C1orf116: variants seen among roughly 807,000 people sequenced by gnomAD.
The protein encoded by C1orf116 is specifically androgen-regulated gene protein.
A neutral mutation model predicts 14.1 loss-of-function variants in C1orf116; 12 were observed. The observed-to-expected ratio is 0.85, with a 90% CI of 0.54 to 1.38. The LOEUF (loss-of-function observed/expected upper bound fraction) is 1.38, where lower values mean the gene tolerates loss of function less well. C1orf116 is among the 40% of genes most tolerant of loss of function. The pLI is 0.00. For missense variants in C1orf116, 797 were observed against 747.0 expected, an observed-to-expected ratio of 1.07 and a Z score of -0.78; for synonymous variants, 296 against 299.0, an observed-to-expected ratio of 0.99 and a Z score of 0.10.
rs779655384 is a variant in C1orf116, at chr1:207,023,061, T to G, written c.703A>C (p.Ser235Arg). ...GHTPQLHTPS[S>R]SQEREQTPSE... ...GGAGTCTGCTCTCTTTCCTGGGAGC[T>G]GGATGGTGTGTGGAGCTGGGGTGTG... Residue 235 changes from serine to arginine, a missense_variant, in exon 4 of 4, where the codon AGC (serine) becomes CGC (arginine). Physicochemically the swap from Ser to Arg is moderately radical, Grantham distance 110. Transcript: ENST00000359470. 3.1e-6 allele frequency: 5 copies of G among 1,612,948 alleles called. No homozygotes were observed. The highest frequency in any genetic ancestry group is 4.2e-6 in the Non-Finnish European group (5 of 1,180,016).
In C1orf116 at chr1:207,022,174, C is replaced by T. The variant is rs369945884; in HGVS notation, c.1590G>A (p.Pro530=). 2.4e-5 allele frequency: 39 copies of T among 1,613,426 alleles called. No individual in the cohort carries two copies. Among genetic ancestry groups the T allele is most frequent in the African/African-American group, 4.0e-5 (3 of 74,934 alleles). Residue 530 remains proline (P), a synonymous_variant, in exon 4 of 4, where the codon CCG becomes CCA. Transcript: ENST00000359470. ...AATCTTTCCCCGTGCCCAGGGAGGC[C>T]GGGCGGGGCCGAGAATTACGTAAGA... ...PSVLRNSRPR[P]ASLGTGKDFA... is the part of the protein sequence containing the mutation.
In C1orf116 at chr1:207,022,831, T is replaced by G. The variant is rs753873351; in HGVS notation, c.933A>C (p.Arg311=). 2 of 1,614,064 alleles carry G rather than the reference T, an allele frequency of 1.2e-6. No individual in the cohort carries two copies. The highest frequency in any genetic ancestry group is 2.7e-5 in the African/African-American group (2 of 75,038). Residue 311 remains arginine, a synonymous_variant, in exon 4 of 4, where the codon CGA becomes CGC. Coordinates refer to ENST00000359470, the MANE Select transcript of C1orf116 (RefSeq NM_023938.6). The part of the protein sequence containing the change: ...LPPNIVLKSS[R]SSFHSDPQHW... ...GCTGGGGGTCACTGTGGAAACTGCT[T>G]CGGCTGCTCTTCAGAACAATATTAG...
chr1:207,027,161 T>C (rs1048503454), intron 2 of C1orf116, among the ~76,000 whole-genome samples: 1 of 152,218 alleles, frequency 6.6e-6, no homozygotes, highest in Non-Finnish European at 1.5e-5. Context: ...AGAACTTCAA[T>C]AATCCATGTG....
chr1:207,027,394 G>T, intron 2 of C1orf116, 100 bp downstream of exon 2: 3 of 1,413,336 alleles, frequency 2.1e-6, no homozygotes, highest in Non-Finnish European at 2.9e-6. Context: ...AAGAGAAGGT[G>T]CAGTGAGCCA....
intron 3 of C1orf116, among the ~76,000 whole-genome samples, chr1:207,024,320 G>A (rs1681985457): frequency 6.6e-6 from 1 of 152,238 alleles, no homozygotes; most frequent in South Asian, 2.1e-4. Context: ...GTCCTCAGGA[G>A]TAAAAGGTTT....
Position 207,022,283 on chromosome 1 carries a change from T to C in C1orf116, c.1481A>G (p.Tyr494Cys). 1.2e-6 allele frequency: 2 copies of C among 1,613,740 alleles called. No individual in the cohort carries two copies. Among genetic ancestry groups the C allele is most frequent in the Non-Finnish European group, 1.7e-6 (2 of 1,179,844 alleles). Residue 494 changes from tyrosine to cysteine, a missense_variant, in exon 4 of 4, where the codon TAC (tyrosine) becomes TGC (cysteine). Transcript: ENST00000359470. Reference protein sequence around the residue: ...LERSGVGLSSYLSTEKDASPK... With the variant: ...LERSGVGLSSCLSTEKDASPK... ...GCTGGCATCTTTCTCAGTTGAAAGG[T>C]AGCTGCTCAGTCCCACGCCTGAGCG... is the stretch of plus-strand genomic sequence containing the variant.
intron 3 of C1orf116, 36 bp from the exon 4 acceptor site, chr1:207,023,516 GAA>G: frequency 6.4e-7 from 1 of 1,552,626 alleles, no homozygotes; most frequent in Non-Finnish European, 8.7e-7. Context: ...AGAGTGGACA[GAA>G]AAAGAGTGGA....
At position 207,019,331 on chromosome 1, in the gene C1orf116, G is replaced by A. The variant is rs1455468418; in HGVS notation, c.*2627C>T. The A allele has an allele frequency of 6.6e-6, 1 of 152,278 alleles. No homozygotes were observed. The highest frequency in any genetic ancestry group is 1.5e-5 in the Non-Finnish European group (1 of 68,058). 9.4% of individuals were successfully genotyped at this position (152,278 alleles called of 1,614,324 possible). ...GTATTTGGCAGGTGGCTTGTGCCCA[G>A]TGGCATCAAGGCTATGGCAGGGTAT... On this transcript the variant is annotated 3_prime_UTR_variant, in exon 4 of 4. Transcript: ENST00000359470.
At chr1:207,025,344 A>G (rs1222230157) in intron 2 of C1orf116, among the ~76,000 whole-genome samples, 1 of 152,224 alleles carries the variant, frequency 6.6e-6, no homozygotes, top group Non-Finnish European at 1.5e-5. Context: ...GGAGCTGGGC[A>G]GGCACATGGC....
intron 1 of C1orf116, among the ~76,000 whole-genome samples, chr1:207,032,113 G>A (rs1301510201): frequency 6.6e-6 from 1 of 151,946 alleles, no homozygotes. Flanking sequence ...CACACACATT[G>A]CACCCATTAT....
Position 207,022,535 on chromosome 1 carries a change from A to G in C1orf116, c.1229T>C (p.Leu410Pro). The change falls in exon 4 of 4, where the codon CTG becomes CCG. Residue 410 changes from leucine (L) to proline (P), a missense_variant. Physicochemically the swap from Leu to Pro is moderately conservative, Grantham distance 98. Coordinates refer to ENST00000359470, the MANE Select transcript of C1orf116 (RefSeq NM_023938.6). ...TGGAGCTGGAGCCGGAGCTTGAGCC[A>G]GAGCCTTCCCAGCAGCAGGAATAGC... ...SAAIPAAGKA[L>P]AQAPAPAPGP... The G allele has an allele frequency of 1.2e-6, 2 of 1,614,090 alleles. No individual in the cohort carries two copies. The highest frequency in any genetic ancestry group is 8.5e-7 in the Non-Finnish European group (1 of 1,179,968).
chr1:207,031,144 G>A (rs1425294649), intron 1 of C1orf116, among the ~76,000 whole-genome samples: 2 of 152,172 alleles, frequency 1.3e-5, no homozygotes, highest in Non-Finnish European at 2.9e-5. Context: ...TTTGCTTCTT[G>A]TTGACTACCC....
rs557102655 is a variant in C1orf116, at chr1:207,030,698, C to T, written c.-82+1881G>A. Among the ~76,000 whole-genome samples the T allele has an allele frequency of 5.3e-5, 8 of 152,262 alleles. No individual in the cohort carries two copies. The South Asian group carries it at 8.3e-4, about 16-fold the overall frequency. ...CTTCACAACCTTGAACCTTGGGGCTCTTTCAGGGCAGCCATCGAAACCCTG... is the reference window on the plus strand; with the variant it reads ...CTTCACAACCTTGAACCTTGGGGCTTTTTCAGGGCAGCCATCGAAACCCTG... On this transcript the variant is annotated intron_variant, in intron 1 of 3. Transcript: ENST00000359470.
chr1:207,026,949 C>T (rs963938026), intron 2 of C1orf116, among the ~76,000 whole-genome samples: 1 of 152,176 alleles, frequency 6.6e-6, no homozygotes, highest in African/African-American at 2.4e-5. Context: ...CATTTACTCC[C>T]CACAAATTGA....
chr1:207,025,227 C>A (rs767238498), intron 2 of C1orf116, among the ~76,000 whole-genome samples, 163 bp from the exon 3 acceptor site: 2 of 152,174 alleles, frequency 1.3e-5, no homozygotes, highest in African/African-American at 2.4e-5. Context: ...GAGCTGGAAA[C>A]CTTTCCCTCC....
At chr1:207,032,474 G>A in intron 1 of C1orf116, 105 bp downstream of exon 1, 1 of 739,086 alleles carries the variant, frequency 1.4e-6, no homozygotes, top group South Asian at 6.1e-5. Context: ...AATCTCCCTA[G>A]CTGGGGTATA....
chr1:207,026,812 T>G (rs142920851), intron 2 of C1orf116, among the ~76,000 whole-genome samples: 1 of 152,322 alleles, frequency 6.6e-6, no homozygotes, highest in Non-Finnish European at 1.5e-5. Context: ...CCAGAAAAAT[T>G]ACAGTTTATT....
Position 207,022,163 on chromosome 1 carries a change from C to T in C1orf116, c.1601G>A (p.Gly534Asp). Residue 534 changes from glycine (G) to aspartate (D), a missense_variant, in exon 4 of 4, where the codon GGC (glycine) becomes GAC (aspartate). Gly to Asp is a moderately conservative substitution (Grantham distance 94). Coordinates refer to ENST00000359470, the MANE Select transcript of C1orf116 (RefSeq NM_023938.6). The stretch of plus-strand genomic sequence containing the variant: ...GATACCTGCAAAATCTTTCCCCGTG[C>T]CCAGGGAGGCCGGGCGGGGCCGAGA... ...RNSRPRPASL[G>D]TGKDFAGIQV... 1 of 1,613,532 alleles carries T rather than the reference C, an allele frequency of 6.2e-7. No individual in the cohort carries two copies. Among genetic ancestry groups the T allele is most frequent in the Non-Finnish European group, 8.5e-7 (1 of 1,179,512 alleles).
chr1:207,023,202 C>T lies in C1orf116; in HGVS notation c.562G>A (p.Glu188Lys). Residue 188 changes from glutamate (E) to lysine (K), a missense_variant, in exon 4 of 4, where the codon GAG (glutamate) becomes AAG (lysine). Physicochemically the swap from Glu to Lys is moderately conservative, Grantham distance 56. Transcript: ENST00000359470. ...ACCACGTCCAAGTCAAGGGCAGCCT[C>T]CTGGGGGCTGGCAGGTGCCTGCCTG... is the stretch of plus-strand genomic sequence containing the variant. ...QPRQAPASPQ[E>K]AALDLDVVLI... The T allele has an allele frequency of 1.9e-6, 3 of 1,609,502 alleles. No homozygotes were observed. Among genetic ancestry groups the T allele is most frequent in the East Asian group, 2.2e-5 (1 of 44,858 alleles).
Sources: allele counts gnomAD v4.1 joint callset (sites outside exome capture counted in the v4.1 genomes callset), GRCh38; gene constraint gnomAD v4.1.1; transcripts MANE v1.5; gene names NCBI Gene and HGNC (gene_info 2026-07-23, HGNC 2026-07-21).